RIMS2: variants seen among roughly 807,000 people sequenced by gnomAD.
The protein encoded by RIMS2 is regulating synaptic membrane exocytosis protein 2.
In RIMS2, 59 loss-of-function variants were observed where a neutral mutation model predicts 174.4. That is an observed-to-expected ratio of 0.34 (90% CI 0.27 to 0.42). The LOEUF (loss-of-function observed/expected upper bound fraction) is 0.42. Ranked by LOEUF, RIMS2 falls within the 10% of genes least tolerant of loss-of-function variation. RIMS2 has a pLI of 1.00. For missense variants in RIMS2, 1,620 were observed against 1,666.3 expected, an observed-to-expected ratio of 0.97 and a Z score of 0.48; for synonymous variants, 606 against 572.5, an observed-to-expected ratio of 1.06 and a Z score of -0.84.
rs529362193 is a variant in RIMS2, at chr8:103,939,572, C to A, written c.2547+2850C>A. 1.2e-4 allele frequency among the ~76,000 whole-genome samples: 18 copies of A among 152,330 alleles called. No individual in the cohort carries two copies. The East Asian group carries it at 3.5e-3, about 29-fold the overall frequency. The stretch of plus-strand genomic sequence containing the variant: ...AGACATTTTCCACATTGCGGATAGG[C>A]GATTAACATTTGGCCCCTCATTACT... On this transcript the variant is annotated intron_variant, in intron 13 of 23. Transcript: ENST00000504942.
intron 17 of RIMS2, among the ~76,000 whole-genome samples, chr8:103,993,028 C>T (rs1347664578): frequency 6.6e-6 from 1 of 152,106 alleles, no homozygotes; most frequent in Non-Finnish European, 1.5e-5. Context: ...GCAGGAGAAT[C>T]GCTTGAACCC....
intron 3 of RIMS2, chr8:103,880,594 A>G (rs2099162506): frequency 2.2e-6 from 1 of 458,518 alleles, no homozygotes; most frequent in Non-Finnish European, 4.0e-6. Context: ...TGCCAGGGCT[A>G]GAAGGATTAA....
At chr8:103,910,615 A>G in intron 5 of RIMS2, 86 bp downstream of exon 8, 1 of 747,784 alleles carries the variant, frequency 1.3e-6, no homozygotes, top group East Asian at 2.7e-5. Flanking sequence ...AACATAATAA[A>G]AGGACAGGGC....
intron 1 of RIMS2, among the ~76,000 whole-genome samples, chr8:103,538,944 T>C (rs1231857689): frequency 6.6e-6 from 1 of 152,276 alleles, no homozygotes; most frequent in Non-Finnish European, 1.5e-5. Flanking sequence ...TCCTGGTCAT[T>C]GCAAATGTGG....
chr8:103,668,680 T>TTATTTATTTATTTATG (rs1308390082), intron 1 of RIMS2, among the ~76,000 whole-genome samples: 2 of 151,644 alleles, frequency 1.3e-5, no homozygotes, highest in African/African-American at 2.4e-5. Context: ...ATTTATTTAT[T>TTATTTATTTATTTATG]TATGTATTTA....
At chr8:103,798,661 A>G (rs187513555) in intron 3 of RIMS2, among the ~76,000 whole-genome samples, 39 of 152,262 alleles carry the variant, frequency 2.6e-4, no homozygotes, top group Non-Finnish European at 4.6e-4. Context: ...GGTGCTTTAG[A>G]TCTTACATTT....
At chr8:104,147,537 G>A (rs10109423) in intron 19 of RIMS2, among the ~76,000 whole-genome samples, 2,110 of 152,018 alleles carry the variant, frequency 0.014, 39 homozygotes, top group African/African-American at 0.046. Flanking sequence ...CAATAAGTTA[G>A]TTTTCTAATT....
At chr8:103,581,404 G>T (rs1176674261) in intron 1 of RIMS2, among the ~76,000 whole-genome samples, 2 of 152,122 alleles carry the variant, frequency 1.3e-5, no homozygotes, top group Non-Finnish European at 2.9e-5. Flanking sequence ...TGCTGAAAAA[G>T]TATTCAATGA....
intron 1 of RIMS2, among the ~76,000 whole-genome samples, chr8:103,611,967 T>C (rs2095383902): frequency 9.7e-6 from 1 of 103,320 alleles, no homozygotes; most frequent in African/African-American, 4.3e-5. Context: ...CATTGTTTTT[T>C]ATTTTTTTTC....
At chr8:103,593,793 A>G (rs964119961) in intron 1 of RIMS2, among the ~76,000 whole-genome samples, 1 of 151,382 alleles carries the variant, frequency 6.6e-6, no homozygotes, top group Admixed American at 6.6e-5. Flanking sequence ...TTAGCATGCA[A>G]TGGATTTATT....
chr8:103,940,997 CT>C (rs1479565252), intron 13 of RIMS2, among the ~76,000 whole-genome samples: 27 of 152,182 alleles, frequency 1.8e-4, no homozygotes, highest in African/African-American at 6.5e-4. Context: ...ACTACCACTT[CT>C]TAGCCTTGTG....
intron 19 of RIMS2, chr8:104,094,680 C>G (rs1009062446): frequency 4.3e-6 from 3 of 698,050 alleles, no homozygotes; most frequent in Non-Finnish European, 7.8e-6. Flanking sequence ...AGAAAAAGAA[C>G]AGTGGAATAA....
intron 3 of RIMS2, among the ~76,000 whole-genome samples, chr8:103,831,544 A>G (rs1206133641): frequency 6.6e-6 from 1 of 152,204 alleles, no homozygotes; most frequent in Non-Finnish European, 1.5e-5. Context: ...GAGGAGCTCC[A>G]GAGAATTTTC....
Position 103,542,375 on chromosome 8 carries a change from C to T in RIMS2, c.176+41313C>T, listed in dbSNP as rs116938788. 8.5e-4 allele frequency among the ~76,000 whole-genome samples: 130 copies of T among 152,246 alleles called. 2 individuals carry two copies. In the East Asian group the frequency reaches 0.024, roughly 28 times the overall value. ...TTTCCCATCAAAGCAAAGCCCAGAA[C>T]CTGATGGTTTCACTGCTGAATTTTA... On this transcript the variant is annotated intron_variant, in intron 1 of 23. Coordinates refer to ENST00000504942, the Ensembl canonical transcript of RIMS2.
intron 19 of RIMS2, among the ~76,000 whole-genome samples, chr8:104,171,856 T>A (rs958631563): frequency 1.3e-5 from 2 of 152,166 alleles, no homozygotes; most frequent in East Asian, 3.9e-4. Context: ...AAGACTTTAA[T>A]GTTTATTGTT....
At chr8:103,648,358 A>G (rs1408665011) in intron 1 of RIMS2, among the ~76,000 whole-genome samples, 1 of 151,894 alleles carries the variant, frequency 6.6e-6, no homozygotes, top group African/African-American at 2.4e-5. Context: ...AATTTTAGTC[A>G]ATAAAATTTT....
chr8:103,805,578 A>G (rs555135702), intron 3 of RIMS2, among the ~76,000 whole-genome samples: 30 of 152,250 alleles, frequency 2.0e-4, no homozygotes, highest in Non-Finnish European at 2.8e-4. Context: ...TTTGAAGGTT[A>G]TTAGTAGAAC....
chr8:104,116,193 T>C (rs1479474637), intron 19 of RIMS2, among the ~76,000 whole-genome samples: 1 of 152,218 alleles, frequency 6.6e-6, no homozygotes. Flanking sequence ...ACTGTACTCA[T>C]GTGTGTACAT....
At chr8:103,932,328 A>G (rs1223120640) in intron 12 of RIMS2, among the ~76,000 whole-genome samples, 1 of 152,226 alleles carries the variant, frequency 6.6e-6, no homozygotes, top group African/African-American at 2.4e-5. Flanking sequence ...TCACCTGAAC[A>G]ACAATCTCAG....
Sources: allele counts gnomAD v4.1 joint callset (sites outside exome capture counted in the v4.1 genomes callset), GRCh38; gene constraint gnomAD v4.1.1; transcripts MANE v1.5; gene names NCBI Gene and HGNC (gene_info 2026-07-23, HGNC 2026-07-21).